ZCCHC17: variants seen among roughly 807,000 people sequenced by gnomAD.
ZCCHC17 encodes zinc finger CCHC-type containing 17, also known as zinc finger CCHC domain-containing protein 17.
In ZCCHC17, 18 loss-of-function variants were observed where a neutral mutation model predicts 30.6. The ratio of observed to expected loss-of-function variants is 0.59; its 90% CI spans 0.41 to 0.87. ZCCHC17 has a LOEUF of 0.87. ZCCHC17 is among the 40% of genes least tolerant of loss of function. The pLI, the probability that ZCCHC17 is intolerant of heterozygous loss-of-function variation, is 0.00. For missense variants in ZCCHC17, 263 were observed against 284.2 expected, an observed-to-expected ratio of 0.93 and a Z score of 0.54; for synonymous variants, 88 against 92.4, an observed-to-expected ratio of 0.95 and a Z score of 0.27.
At chr1:31,304,960 A>G (rs1646415272) in intron 1 of ZCCHC17, among the ~76,000 whole-genome samples, 1 of 152,200 alleles carries the variant, frequency 6.6e-6, no homozygotes, top group African/African-American at 2.4e-5. Flanking sequence ...GAATTTTAAT[A>G]TGTAAACTGG....
At chr1:31,330,993 TA>T (rs1050232272) in intron 3 of ZCCHC17, among the ~76,000 whole-genome samples, 2 of 152,164 alleles carry the variant, frequency 1.3e-5, no homozygotes, top group African/African-American at 4.8e-5. Flanking sequence ...TAGATAGAAA[TA>T]AACCAGGTAA....
At chr1:31,339,400 A>G (rs1638948109) in intron 5 of ZCCHC17, among the ~76,000 whole-genome samples, 1 of 152,190 alleles carries the variant, frequency 6.6e-6, no homozygotes, top group Non-Finnish European at 1.5e-5. Flanking sequence ...GCTACTCGGG[A>G]GACTGAGTCA....
In ZCCHC17 at chr1:31,310,030, T is replaced by C. The variant is rs1646559992; in HGVS notation, c.-55-14T>C. ...AGATATCTCTCTAATTGGTGTCTGA[T>C]TTCTTTATGACAGGACACTTGTATT... On this transcript the variant is annotated splice_polypyrimidine_tract_variant and intron_variant, in intron 1 of 7. Transcript: ENST00000344147. The C allele has an allele frequency of 6.6e-7, 1 of 1,508,300 alleles. No individual in the cohort carries two copies. The highest frequency in any genetic ancestry group is 9.1e-7 in the Non-Finnish European group (1 of 1,093,392). The allele number at this position is 1,508,300 out of a possible 1,614,324, so 93.4% of individuals were successfully genotyped here. A position where few individuals can be genotyped will look rare whatever the true frequency, so the allele number is the denominator to read the frequency against.
At chr1:31,341,768 T>G (rs1287384595) in intron 5 of ZCCHC17, among the ~76,000 whole-genome samples, 2 of 152,214 alleles carry the variant, frequency 1.3e-5, no homozygotes, top group East Asian at 3.8e-4. Context: ...GTAACATATA[T>G]CTAAGGAATG....
chr1:31,360,457 C>G (rs1324963320), intron 7 of ZCCHC17, among the ~76,000 whole-genome samples: 1 of 152,242 alleles, frequency 6.6e-6, no homozygotes, highest in African/African-American at 2.4e-5. Flanking sequence ...GCGTGAGCCA[C>G]CGCAACCAGG....
chr1:31,326,700 A>G (rs770047685), intron 3 of ZCCHC17, among the ~76,000 whole-genome samples: 1 of 152,184 alleles, frequency 6.6e-6, no homozygotes, highest in Non-Finnish European at 1.5e-5. Context: ...CTGACAGCTT[A>G]CAAGTGAATC....
chr1:31,325,843 A>T (rs945477853), intron 3 of ZCCHC17, among the ~76,000 whole-genome samples: 1 of 152,020 alleles, frequency 6.6e-6, no homozygotes, highest in Non-Finnish European at 1.5e-5. Context: ...TGGAAAAGTG[A>T]CACCTGAAGA....
At chr1:31,307,444 C>T (rs1162812762) in intron 1 of ZCCHC17, among the ~76,000 whole-genome samples, 3 of 149,074 alleles carry the variant, frequency 2.0e-5, no homozygotes, top group Non-Finnish European at 4.5e-5. Flanking sequence ...GAATCTTGCT[C>T]TGTTGCCCAG....
At chr1:31,345,317 C>G (rs975239724) in intron 5 of ZCCHC17, among the ~76,000 whole-genome samples, 2 of 150,964 alleles carry the variant, frequency 1.3e-5, no homozygotes, top group African/African-American at 4.9e-5. Flanking sequence ...CCACCTCGCC[C>G]GGCTAATTTT....
chr1:31,323,972 G>C (rs981026664), intron 3 of ZCCHC17, among the ~76,000 whole-genome samples: 1 of 104,082 alleles, frequency 9.6e-6, no homozygotes, highest in Non-Finnish European at 2.4e-5. Flanking sequence ...ATGATTGAAA[G>C]AATGACTGTA....
At chr1:31,297,449 G>GC (rs942945273) in intron 1 of ZCCHC17, among the ~76,000 whole-genome samples, 15 of 152,180 alleles carry the variant, frequency 9.9e-5, no homozygotes, top group African/African-American at 3.6e-4. Flanking sequence ...CCTACTGTAT[G>GC]CCCCCCTGAG....
intron 6 of ZCCHC17, 61 bp from the exon 7 acceptor site, chr1:31,348,768 T>C: frequency 1.2e-6 from 2 of 1,600,614 alleles, no homozygotes; most frequent in Non-Finnish European, 1.7e-6. Context: ...GGGGAAAGAT[T>C]CACTTGCTGA....
At chr1:31,346,954 A>G (rs577305500) in intron 6 of ZCCHC17, 1 of 1,011,516 alleles carries the variant, frequency 9.9e-7, no homozygotes, top group East Asian at 2.7e-5. Context: ...ATACTATACC[A>G]CTACCACCAC....
intron 1 of ZCCHC17, among the ~76,000 whole-genome samples, chr1:31,302,281 T>A (rs1168709048): frequency 6.6e-6 from 1 of 150,938 alleles, no homozygotes; most frequent in Non-Finnish European, 1.5e-5. Flanking sequence ...ACATATTAAA[T>A]GGGACCTAGC....
chr1:31,354,087 A>G (rs1272973043), intron 7 of ZCCHC17, among the ~76,000 whole-genome samples: 2 of 152,170 alleles, frequency 1.3e-5, no homozygotes, highest in African/African-American at 2.4e-5. Flanking sequence ...TGAAAATTGG[A>G]TATCTATTTG....
At chr1:31,297,118 G>C (rs1464798360) in intron 1 of ZCCHC17, 43 bp downstream of exon 1, 1 of 416,126 alleles carries the variant, frequency 2.4e-6, no homozygotes, top group Non-Finnish European at 4.3e-6. Flanking sequence ...CCTGAGTCTG[G>C]AGGCGACGCC....
chr1:31,353,099 G>A (rs1288968847), intron 7 of ZCCHC17, among the ~76,000 whole-genome samples: 1 of 152,126 alleles, frequency 6.6e-6, no homozygotes, highest in Non-Finnish European at 1.5e-5. Context: ...TTGTGGTTTT[G>A]ATTTGCATTT....
chr1:31,326,360 T>A (rs1375807212), intron 3 of ZCCHC17, among the ~76,000 whole-genome samples: 2 of 152,238 alleles, frequency 1.3e-5, no homozygotes, highest in African/African-American at 2.4e-5. Context: ...ACTACTATTC[T>A]GCAAATTGCA....
chr1:31,333,842 T>G (rs1638692183), intron 3 of ZCCHC17, among the ~76,000 whole-genome samples: 1 of 152,212 alleles, frequency 6.6e-6, no homozygotes. Flanking sequence ...GGAAGAAGAA[T>G]AGTGTTCCCT....
Sources: allele counts gnomAD v4.1 joint callset (sites outside exome capture counted in the v4.1 genomes callset), GRCh38; gene constraint gnomAD v4.1.1; transcripts MANE v1.5; gene names NCBI Gene and HGNC (gene_info 2026-07-23, HGNC 2026-07-21).